The following ACOT12 variants were observed in gnomAD, a reference collection of about 807,000 sequenced individuals.
ACOT12 encodes acyl-CoA thioesterase 12.
Under a neutral mutation model 67.7 loss-of-function variants are expected in ACOT12, and 51 were observed. The ratio of observed to expected loss-of-function variants is 0.75; its 90% CI spans 0.60 to 0.95. ACOT12 has a LOEUF of 0.95. Ranked by LOEUF, ACOT12 falls within the 40% of genes least tolerant of loss-of-function variation. The pLI is 0.00. For synonymous variants in ACOT12, 251 were observed against 244.6 expected (o/e 1.03, Z -0.24); for missense variants, 734 against 708.1 (o/e 1.04, Z -0.41).
At chr5:81,363,342 A>G (rs1759976556) in intron 4 of ACOT12, among the ~76,000 whole-genome samples, 1 of 152,180 alleles carries the variant, frequency 6.6e-6, no homozygotes, top group South Asian at 2.1e-4. Flanking sequence ...TAACTCAGCA[A>G]TGTTGACAGT....
At chr5:81,327,182 T>C (rs573569175), downstream of ACOT12, among the ~76,000 whole-genome samples, 75 of 143,562 alleles carry the variant, frequency 5.2e-4, 1 homozygote, top group Admixed American at 1.7e-3. Flanking sequence ...TATATATATA[T>C]ACACACACAT....
the ACOT12 span, chr5:81,313,185 G>T: frequency 6.6e-6 from 1 of 152,046 alleles, no homozygotes; most frequent in Non-Finnish European, 1.5e-5. Flanking sequence ...CTTGATTCTC[G>T]ATTGAAATAT....
chr5:81,358,540 T>C (rs796283251), intron 5 of ACOT12, among the ~76,000 whole-genome samples: 1 of 152,142 alleles, frequency 6.6e-6, no homozygotes, highest in South Asian at 2.1e-4. Context: ...TGATGAAGTC[T>C]TCATTTCCTT....
chr5:81,338,907 C>T (rs368872023), intron 11 of ACOT12, among the ~76,000 whole-genome samples: 16 of 152,046 alleles, frequency 1.1e-4, no homozygotes, highest in African/African-American at 2.4e-5. Context: ...ATGGTGAAAC[C>T]CTGTCTCTAC....
At chr5:81,319,989 C>G in the ACOT12 span, among the ~76,000 whole-genome samples, 2 of 151,984 alleles carry the variant, frequency 1.3e-5, no homozygotes, top group Non-Finnish European at 2.9e-5. Context: ...GAAGCTCTTG[C>G]AGTAAGAAAT....
At chr5:81,376,673 C>T (rs1760425604) in intron 2 of ACOT12, among the ~76,000 whole-genome samples, 1 of 152,110 alleles carries the variant, frequency 6.6e-6, no homozygotes, top group Non-Finnish European at 1.5e-5. Context: ...ACTGATCTCA[C>T]AGAAATACAA....
intron 5 of ACOT12, among the ~76,000 whole-genome samples, chr5:81,359,460 C>T (rs1396600071): frequency 6.6e-6 from 1 of 152,106 alleles, no homozygotes; most frequent in Non-Finnish European, 1.5e-5. Context: ...CTGCTCATAC[C>T]CCATATGATC....
intron 3 of ACOT12, among the ~76,000 whole-genome samples, chr5:81,367,550 A>T (rs1391572030): frequency 6.6e-6 from 1 of 152,206 alleles, no homozygotes; most frequent in Non-Finnish European, 1.5e-5. Context: ...CGAGAAAAAC[A>T]TTAAAACCAA....
At chr5:81,375,205 G>C (rs60394857) in intron 2 of ACOT12, among the ~76,000 whole-genome samples, 5,671 of 152,288 alleles carry the variant, frequency 0.037, 315 homozygotes, top group African/African-American at 0.12. Context: ...TTAAAGAAAA[G>C]AATTTTCAAC....
At chr5:81,343,267 T>G (rs1035060396) in intron 10 of ACOT12, among the ~76,000 whole-genome samples, 1 of 151,802 alleles carries the variant, frequency 6.6e-6, no homozygotes, top group African/African-American at 2.4e-5. Flanking sequence ...TAAAAAGAAC[T>G]AAGCTACAGG....
At chr5:81,371,644 A>G in intron 3 of ACOT12, 106 bp downstream of exon 3, 1 of 1,104,720 alleles carries the variant, frequency 9.1e-7, no homozygotes, top group South Asian at 1.4e-5. Flanking sequence ...TCTGAAATAG[A>G]GAATCTCACT....
intron 5 of ACOT12, among the ~76,000 whole-genome samples, chr5:81,359,305 G>A (rs376449370): frequency 4.6e-5 from 7 of 152,236 alleles, no homozygotes; most frequent in African/African-American, 1.4e-4. Context: ...GGGCAAGGGC[G>A]GGGCTCTGCC....
At chr5:81,388,987 C>A (rs1760799586) in intron 1 of ACOT12, among the ~76,000 whole-genome samples, 2 of 152,216 alleles carry the variant, frequency 1.3e-5, no homozygotes, top group Admixed American at 6.5e-5. Context: ...CCACATGGAA[C>A]TGTGAGTCCG....
chr5:81,347,961 T>C, intron 5 of ACOT12, 31 bp from the exon 6 acceptor site: 2 of 1,603,920 alleles, frequency 1.2e-6, no homozygotes, highest in African/African-American at 1.3e-5. Flanking sequence ...TTAATGATGG[T>C]GGAGTGAACC....
rs541835676 is a variant in ACOT12, at chr5:81,342,533, T to C, written c.1128+139A>G. On this transcript the variant is annotated intron_variant, in intron 11 of 14. Coordinates refer to ENST00000307624, the MANE Select transcript of ACOT12 (RefSeq NM_130767.3). ...GCTTGTAGAGACAGGGCTGAAAAGA[T>C]GGTTGCGTCTTAGAAACAGTTTCCT... is the stretch of plus-strand genomic sequence containing the variant. The C allele has an allele frequency of 4.3e-5, 34 of 794,720 alleles. No individual in the cohort carries two copies. The Admixed American group carries it at 8.3e-4, about 19-fold the overall frequency. The allele number at this position is 794,720 out of a possible 1,614,324, so 49.2% of individuals were successfully genotyped here.
chr5:81,314,870 G>A, the ACOT12 span, among the ~76,000 whole-genome samples: 2 of 152,144 alleles, frequency 1.3e-5, no homozygotes, highest in East Asian at 1.9e-4. Context: ...GGAGTGCAGT[G>A]ATGCAATCGT....
Position 81,343,881 on chromosome 5 carries a change from T to G in ACOT12, c.981A>C (p.Arg327Ser). 1 of 1,611,876 alleles carries G rather than the reference T, an allele frequency of 6.2e-7. No homozygotes were observed. Among genetic ancestry groups the G allele is most frequent in the Non-Finnish European group, 8.5e-7 (1 of 1,179,282 alleles). ...CTTCTTTGTGGGAAATAACATATTT[T>G]CTGGAAAAAAAAATTAAAGTGTTAA... is the stretch of plus-strand genomic sequence containing the variant. ...AIARKRIRLG[R>S]KYVISHKEEV... The change falls in exon 10 of 15, where the codon AGA (arginine) becomes AGC (serine). Residue 327 changes from arginine to serine, a missense_variant and splice_region_variant. Arg to Ser is a moderately radical substitution (Grantham distance 110). Transcript: ENST00000307624.
At chr5:81,376,348 A>G (rs1760411376) in intron 2 of ACOT12, among the ~76,000 whole-genome samples, 1 of 152,028 alleles carries the variant, frequency 6.6e-6, no homozygotes, top group African/African-American at 2.4e-5. Context: ...CAGTGTGTAG[A>G]GAGAAATTTA....
At chr5:81,353,579 T>C (rs144277613) in intron 5 of ACOT12, among the ~76,000 whole-genome samples, 28 of 152,356 alleles carry the variant, frequency 1.8e-4, no homozygotes, top group Middle Eastern at 3.4e-3. Context: ...GATCTGATTT[T>C]CTTACTCAAA....
Sources: allele counts gnomAD v4.1 joint callset (sites outside exome capture counted in the v4.1 genomes callset), GRCh38; gene constraint gnomAD v4.1.1; transcripts MANE v1.5; gene names NCBI Gene and HGNC (gene_info 2026-07-23, HGNC 2026-07-21).